Variants in SLC14A2 observed in about 807,000 individuals in gnomAD.
The protein encoded by SLC14A2 is urea transporter 2.
Under a neutral mutation model 104.6 loss-of-function variants are expected in SLC14A2, and 91 were observed. The ratio of observed to expected loss-of-function variants is 0.87; its 90% CI spans 0.73 to 1.04. The LOEUF is 1.04. Ranked by LOEUF, SLC14A2 falls within the 50% of genes least tolerant of loss-of-function variation. The pLI, the probability that SLC14A2 is intolerant of heterozygous loss-of-function variation, is 0.00. For missense variants in SLC14A2, 1,189 were observed against 1,156.0 expected, an observed-to-expected ratio of 1.03 and a Z score of -0.41; for synonymous variants, 476 against 466.4, an observed-to-expected ratio of 1.02 and a Z score of -0.27.
chr18:45,643,525 ATC>A (rs777589975), intron 9 of SLC14A2, among the ~76,000 whole-genome samples: 6 of 151,966 alleles, frequency 3.9e-5, no homozygotes, highest in Non-Finnish European at 8.8e-5. Context: ...GGCTCAAATT[ATC>A]TGTTTTGTTT....
At chr18:45,193,186 G>A in the SLC14A2 span, among the ~76,000 whole-genome samples, 1 of 152,020 alleles carries the variant, frequency 6.6e-6, no homozygotes, top group Admixed American at 6.6e-5. Context: ...TCTGTAACTT[G>A]TCTTTTCATT....
At chr18:45,613,780 G>A (rs371101418), upstream of SLC14A2, among the ~76,000 whole-genome samples, 51 of 152,316 alleles carry the variant, frequency 3.3e-4, 2 homozygotes, top group South Asian at 7.0e-3. Context: ...GCTCTTAAAA[G>A]GATTCAATTT....
intron 2 of SLC14A2, among the ~76,000 whole-genome samples, chr18:45,534,610 C>G (rs947604564): frequency 2.0e-5 from 3 of 152,118 alleles, no homozygotes; most frequent in Non-Finnish European, 4.4e-5. Context: ...CTTTAGAGTT[C>G]ATCTGGTCCA....
chr18:45,464,066 C>G (rs1271199294), intron 1 of SLC14A2, among the ~76,000 whole-genome samples: 2 of 152,212 alleles, frequency 1.3e-5, no homozygotes, highest in Non-Finnish European at 1.5e-5. Flanking sequence ...ACCAAATGGT[C>G]TGGGCAGAAT....
the SLC14A2 span, among the ~76,000 whole-genome samples, chr18:45,207,129 A>G: frequency 1.3e-5 from 2 of 152,174 alleles, no homozygotes; most frequent in African/African-American, 4.8e-5. Context: ...TGTGCTCTAG[A>G]AAAAATGGTG....
chr18:45,292,121 G>A (rs990165665), intron 1 of SLC14A2, among the ~76,000 whole-genome samples: 1 of 152,114 alleles, frequency 6.6e-6, no homozygotes, highest in African/African-American at 2.4e-5. Flanking sequence ...ACCTTAATCT[G>A]GCAGGAATGA....
intron 2 of SLC14A2, among the ~76,000 whole-genome samples, chr18:45,515,966 G>T (rs1354619474): frequency 6.6e-6 from 1 of 152,228 alleles, no homozygotes; most frequent in African/African-American, 2.4e-5. Flanking sequence ...CTAACTGTAA[G>T]AACTCAAGTT....
intron 16 of SLC14A2, among the ~76,000 whole-genome samples, chr18:45,672,051 G>A (rs1228929400): frequency 6.6e-6 from 1 of 152,180 alleles, no homozygotes; most frequent in South Asian, 2.1e-4. Context: ...TGCCCTGGGG[G>A]TTTATTAATC....
intron 4 of SLC14A2, among the ~76,000 whole-genome samples, chr18:45,629,215 C>A (rs17669840): frequency 6.6e-6 from 1 of 152,028 alleles, no homozygotes. Context: ...ATGAGTCAGC[C>A]TGGCCCTGGT....
chr18:45,426,698 TAC>T (rs34456057), intron 1 of SLC14A2, among the ~76,000 whole-genome samples: 69,046 of 140,712 alleles, frequency 0.49, 17,541 homozygotes, highest in Middle Eastern at 0.64. Context: ...TATACATACA[TAC>T]ACACACACAC....
intron 1 of SLC14A2, among the ~76,000 whole-genome samples, chr18:45,234,580 A>G (rs1034834483): frequency 4.6e-5 from 7 of 152,210 alleles, no homozygotes; most frequent in Non-Finnish European, 8.8e-5. Context: ...GTGGAGACGC[A>G]TAGACTAGGT....
chr18:45,423,483 G>T (rs914013348), intron 1 of SLC14A2, among the ~76,000 whole-genome samples: 2 of 152,150 alleles, frequency 1.3e-5, no homozygotes, highest in Non-Finnish European at 2.9e-5. Flanking sequence ...ATGACAACAT[G>T]CACAAACAGA....
intron 2 of SLC14A2, among the ~76,000 whole-genome samples, chr18:45,542,035 G>GTTTTTTTTTTTGTTTTTT (rs2043892024): frequency 1.8e-5 from 1 of 54,204 alleles, no homozygotes; most frequent in Non-Finnish European, 3.7e-5. Flanking sequence ...AAGAGAGAGG[G>GTTTTTTTTTTTGTTTTTT]TTTTTTTTTT....
intron 2 of SLC14A2, among the ~76,000 whole-genome samples, chr18:45,487,437 C>T (rs1489607994): frequency 6.6e-6 from 1 of 152,176 alleles, no homozygotes; most frequent in Non-Finnish European, 1.5e-5. Flanking sequence ...TAAGGCAACA[C>T]ATTCGCAAGT....
At position 45,663,790 on chromosome 18, in the gene SLC14A2, G is replaced by A. The variant is rs556141911; in HGVS notation, c.1357G>A (p.Gly453Ser). 2.0e-5 allele frequency: 33 copies of A among 1,612,204 alleles called. No homozygotes were observed. Among genetic ancestry groups the A allele is most frequent in the South Asian group, 8.8e-5 (8 of 90,958 alleles). Reference sequence around the variant, plus strand: ...CTTGTTTTGCCCCTGGCTAGGAGGCGGTGGGGAGCATCCACCCACAGCAGG... The same window carrying A: ...CTTGTTTTGCCCCTGGCTAGGAGGCAGTGGGGAGCATCCACCCACAGCAGG... Reference protein sequence around the residue: ...GEEEKAPSGGGGEHPPTAGPK... With the variant: ...GEEEKAPSGGSGEHPPTAGPK... Residue 453 changes from glycine to serine, a missense_variant, in exon 11 of 20, where the codon GGT becomes AGT. Gly to Ser is a moderately conservative substitution (Grantham distance 56). Coordinates refer to ENST00000255226, the MANE Select transcript of SLC14A2 (RefSeq NM_007163.4).
At chr18:45,542,929 T>G (rs2043912941) in intron 2 of SLC14A2, among the ~76,000 whole-genome samples, 1 of 152,030 alleles carries the variant, frequency 6.6e-6, no homozygotes, top group Non-Finnish European at 1.5e-5. Flanking sequence ...ACTATTTACT[T>G]AGTATTTAAT....
At chr18:45,522,102 G>T (rs73439847) in intron 2 of SLC14A2, among the ~76,000 whole-genome samples, 5,511 of 152,286 alleles carry the variant, frequency 0.036, 212 homozygotes, top group African/African-American at 0.096. Flanking sequence ...CTGACCTTCA[G>T]TTTGCACATC....
At chr18:45,585,889 C>A (rs1005010708) in intron 2 of SLC14A2, among the ~76,000 whole-genome samples, 1 of 152,198 alleles carries the variant, frequency 6.6e-6, no homozygotes, top group Non-Finnish European at 1.5e-5. Flanking sequence ...TACACCCTAT[C>A]TCGCACTTAG....
At chr18:45,632,749 C>A (rs1268387493) in intron 5 of SLC14A2, among the ~76,000 whole-genome samples, 1 of 152,188 alleles carries the variant, frequency 6.6e-6, no homozygotes, top group East Asian at 1.9e-4. Flanking sequence ...GCAATCTCGG[C>A]TCACTGCAAG....
Sources: gnomAD v4.1 joint callset for allele counts (sites outside exome capture counted in the v4.1 genomes callset) on GRCh38, gnomAD v4.1.1 for gene constraint, MANE v1.5 for transcripts, NCBI Gene and HGNC (gene_info 2026-07-23, HGNC 2026-07-21) for gene names.